Variants in USP32 observed in about 807,000 individuals in gnomAD.
USP32 encodes the protein ubiquitin carboxyl-terminal hydrolase 32.
A neutral mutation model predicts 204.8 loss-of-function variants in USP32; 59 were observed. The observed-to-expected ratio is 0.29, with a 90% CI of 0.23 to 0.36. The LOEUF (loss-of-function observed/expected upper bound fraction) is 0.36. USP32 is among the 10% of genes least tolerant of loss of function. USP32 has a pLI of 1.00. For missense variants in USP32, 1,160 were observed against 1,946.4 expected, an observed-to-expected ratio of 0.60 and a Z score of 7.60; for synonymous variants, 517 against 678.4, an observed-to-expected ratio of 0.76 and a Z score of 3.70.
At chr17:60,298,404 T>C in intron 3 of USP32, among the ~76,000 whole-genome samples, 1 of 152,286 alleles carries the variant, frequency 6.6e-6, no homozygotes, top group Middle Eastern at 3.4e-3. Flanking sequence ...AATTTATAGA[T>C]ATCATAATTT....
chr17:60,349,655 A>ATATATATAT, intron 1 of USP32, among the ~76,000 whole-genome samples: 1 of 111,376 alleles, frequency 9.0e-6, no homozygotes, highest in South Asian at 2.4e-4. Flanking sequence ...ATATATATAC[A>ATATATATAT]TATATATACA....
At chr17:60,366,087 C>T (rs1388576093) in intron 1 of USP32, among the ~76,000 whole-genome samples, 3 of 152,174 alleles carry the variant, frequency 2.0e-5, no homozygotes, top group Non-Finnish European at 4.4e-5. Flanking sequence ...AAGAGATTCA[C>T]CTGACTCAGC....
At chr17:60,419,817 AATTATTATTATTATTATTATTATT>A (rs113546748) in intron 1 of USP32, among the ~76,000 whole-genome samples, 1 of 138,674 alleles carries the variant, frequency 7.2e-6, no homozygotes, top group Non-Finnish European at 1.5e-5. Flanking sequence ...GGTTAAAAAA[AATTATTATTATTATTATTATTATT>A]ATTATTATTA....
chr17:60,286,924 G>A (rs2087129174), intron 5 of USP32, among the ~76,000 whole-genome samples: 1 of 152,154 alleles, frequency 6.6e-6, no homozygotes, highest in African/African-American at 2.4e-5. Context: ...GAGGCGGGTG[G>A]ATCACTTGAG....
At chr17:60,227,660 G>T (rs1220240156) in intron 12 of USP32, among the ~76,000 whole-genome samples, 1 of 150,798 alleles carries the variant, frequency 6.6e-6, no homozygotes, top group Non-Finnish European at 1.5e-5. Context: ...CAATACTCCT[G>T]CCTGGGCCTC....
At chr17:60,242,787 T>C (rs1332151402) in intron 11 of USP32, among the ~76,000 whole-genome samples, 1 of 139,742 alleles carries the variant, frequency 7.2e-6, no homozygotes, top group Non-Finnish European at 1.5e-5. Context: ...TAATGTATCC[T>C]TAGGTAAATT....
intron 21 of USP32, among the ~76,000 whole-genome samples, chr17:60,210,587 G>T (rs542527199): frequency 6.6e-6 from 1 of 152,348 alleles, no homozygotes; most frequent in East Asian, 1.9e-4. Context: ...GATTACAGGC[G>T]TGAGCCCCTG....
At chr17:60,239,962 C>A (rs888883214) in intron 11 of USP32, among the ~76,000 whole-genome samples, 6 of 152,184 alleles carry the variant, frequency 3.9e-5, no homozygotes, top group Non-Finnish European at 7.3e-5. Flanking sequence ...GTCTCGAACT[C>A]CTGACCTCAA....
chr17:60,202,625 T>C (rs1450243697), intron 26 of USP32, among the ~76,000 whole-genome samples: 1 of 152,146 alleles, frequency 6.6e-6, no homozygotes, highest in Non-Finnish European at 1.5e-5. Context: ...TTTCTATCAA[T>C]ATTTTATTTT....
rs62082066 is a variant in USP32 at position 60,333,327 on chromosome 17, T to A, written c.186+12154A>T. 3.9e-3 allele frequency among the ~76,000 whole-genome samples: 598 copies of A among 152,294 alleles called. 6 individuals carry two copies. The highest frequency in any genetic ancestry group is 0.031 in the South Asian group (151 of 4,832). Reference sequence around the variant, plus strand: ...TTAAGAAAATCATAAAGGCAGGGCATGATGGCTCATGCCTGTAATCCCAGC... The same window carrying A: ...TTAAGAAAATCATAAAGGCAGGGCAAGATGGCTCATGCCTGTAATCCCAGC... On this transcript the variant is annotated intron_variant, in intron 2 of 33. Transcript: ENST00000300896.
chr17:60,219,937 T>G, intron 15 of USP32, 150 bp from the exon 16 acceptor site: 1 of 729,434 alleles, frequency 1.4e-6, no homozygotes, highest in East Asian at 3.1e-5. Context: ...ACATTTAAGT[T>G]ACATGGATCT....
At chr17:60,306,408 G>C (rs957596940) in intron 2 of USP32, among the ~76,000 whole-genome samples, 4 of 152,216 alleles carry the variant, frequency 2.6e-5, no homozygotes, top group Middle Eastern at 3.4e-3. Flanking sequence ...AAAGCCGAGG[G>C]GGGTGGATCA....
At chr17:60,199,070 C>T (rs113294055) in intron 26 of USP32, among the ~76,000 whole-genome samples, 7,474 of 150,616 alleles carry the variant, frequency 0.05, 209 homozygotes, top group Middle Eastern at 0.11. Context: ...GAGCTGTGAT[C>T]GTGCCACTGC....
chr17:60,308,284 C>T (rs1269645923), intron 2 of USP32, among the ~76,000 whole-genome samples: 4 of 152,248 alleles, frequency 2.6e-5, no homozygotes, highest in South Asian at 2.1e-4. Flanking sequence ...TTAACACAAA[C>T]GCACTGGGGC....
intron 2 of USP32, among the ~76,000 whole-genome samples, chr17:60,337,893 A>G (rs2088561030): frequency 6.6e-6 from 1 of 151,982 alleles, no homozygotes; most frequent in South Asian, 2.1e-4. Context: ...ATTTACATGA[A>G]TAAGATTAGA....
At chr17:60,289,841 A>G (rs2087224378) in intron 4 of USP32, among the ~76,000 whole-genome samples, 1 of 152,214 alleles carries the variant, frequency 6.6e-6, no homozygotes, top group South Asian at 2.1e-4. Flanking sequence ...ATCCTAATAG[A>G]CATGCTAAAG....
intron 1 of USP32, among the ~76,000 whole-genome samples, chr17:60,366,730 G>A (rs762978672): frequency 3.3e-5 from 5 of 150,562 alleles, no homozygotes; most frequent in African/African-American, 1.2e-4. Context: ...GCAAGACATC[G>A]TCTCAAAAAA....
chr17:60,225,492 A>G (rs1295384487), intron 13 of USP32, among the ~76,000 whole-genome samples: 1 of 152,160 alleles, frequency 6.6e-6, no homozygotes, highest in Non-Finnish European at 1.5e-5. Flanking sequence ...ATATTGAGAG[A>G]TTTAATGAAG....
chr17:60,284,609 C>T (rs1347115594), intron 5 of USP32, among the ~76,000 whole-genome samples: 1 of 152,066 alleles, frequency 6.6e-6, no homozygotes, highest in African/African-American at 2.4e-5. Context: ...AAAACGGAGC[C>T]ATTTTTAACA....
Sources: gnomAD v4.1 joint callset for allele counts (sites outside exome capture counted in the v4.1 genomes callset) on GRCh38, gnomAD v4.1.1 for gene constraint, MANE v1.5 for transcripts, NCBI Gene and HGNC (gene_info 2026-07-23, HGNC 2026-07-21) for gene names.